Variants in TTC28 observed in about 807,000 individuals in gnomAD.
The protein encoded by TTC28 is tetratricopeptide repeat protein 28.
TTC28 carries 61 observed loss-of-function variants against 198.0 expected under a neutral mutation model. That is an observed-to-expected ratio of 0.31 (90% CI 0.25 to 0.38). TTC28 has a LOEUF of 0.38. Ranked by LOEUF, TTC28 falls within the 10% of genes least tolerant of loss-of-function variation. TTC28 has a pLI of 1.00. For synonymous variants in TTC28, 1,171 were observed against 1,297.8 expected (o/e 0.90, Z 2.10); for missense variants, 2,678 against 3,164.0 (o/e 0.85, Z 3.69).
At chr22:28,659,982 A>G (rs1007123963) in intron 1 of TTC28, among the ~76,000 whole-genome samples, 10 of 151,114 alleles carry the variant, frequency 6.6e-5, no homozygotes, top group Admixed American at 1.3e-4. Flanking sequence ...TATTTTGGAG[A>G]TGGGGTTTCA....
intron 6 of TTC28, among the ~76,000 whole-genome samples, chr22:28,117,246 GA>G (rs1942657718): frequency 6.6e-6 from 1 of 152,222 alleles, no homozygotes; most frequent in Non-Finnish European, 1.5e-5. Flanking sequence ...GGCAGGCTTA[GA>G]TTAGTGTGTT....
chr22:28,452,388 T>TAAAAA, intron 2 of TTC28, among the ~76,000 whole-genome samples: 1 of 28,866 alleles, frequency 3.5e-5, no homozygotes, highest in Non-Finnish European at 5.5e-5. Flanking sequence ...AGATTCCATC[T>TAAAAA]CAAAAAAAAA....
chr22:28,326,223 C>T (rs2045527714), intron 2 of TTC28, among the ~76,000 whole-genome samples: 1 of 152,092 alleles, frequency 6.6e-6, no homozygotes, highest in African/African-American at 2.4e-5. Flanking sequence ...TAAAAGAAGT[C>T]AGTCTACATA....
At chr22:28,444,088 T>C (rs566792218) in intron 2 of TTC28, among the ~76,000 whole-genome samples, 1 of 152,312 alleles carries the variant, frequency 6.6e-6, no homozygotes, top group Admixed American at 6.5e-5. Flanking sequence ...GTTTCATTCA[T>C]CTTCTGTGAA....
intron 1 of TTC28, among the ~76,000 whole-genome samples, chr22:28,655,500 A>T (rs2051630674): frequency 6.6e-6 from 1 of 152,206 alleles, no homozygotes; most frequent in Non-Finnish European, 1.5e-5. Flanking sequence ...TGTCTATAAA[A>T]TTCACGTTGT....
chr22:28,590,447 CAGG>C (rs1045542674), intron 2 of TTC28, among the ~76,000 whole-genome samples: 54 of 152,154 alleles, frequency 3.5e-4, no homozygotes, highest in African/African-American at 1.3e-3. Flanking sequence ...CTAAATCTTA[CAGG>C]AGGCTTCAGT....
chr22:28,152,530 A>T (rs1943634444), intron 6 of TTC28, among the ~76,000 whole-genome samples: 1 of 152,166 alleles, frequency 6.6e-6, no homozygotes, highest in East Asian at 1.9e-4. Flanking sequence ...GGTGAGTCAC[A>T]AATCTCTGAA....
chr22:28,600,151 T>G (rs1180060266), intron 2 of TTC28, among the ~76,000 whole-genome samples: 1 of 152,128 alleles, frequency 6.6e-6, no homozygotes. Context: ...CCCAGCCATT[T>G]TGGGAGTCTG....
At position 28,297,914 on chromosome 22, in the gene TTC28, C is replaced by A. The variant is rs1304922269; in HGVS notation, c.530-62G>T. 11 of 1,488,146 alleles carry A rather than the reference C, an allele frequency of 7.4e-6. No individual in the cohort carries two copies. In the South Asian group the frequency reaches 8.7e-5, roughly 12 times the overall value. The allele number at this position is 1,488,146 out of a possible 1,614,324, so 92.2% of individuals were successfully genotyped here. ...GAATGTAGGATGATACAAAAACAAT[C>A]TTTTCTAATACGCTCTAGAAATAAA... On this transcript the variant is annotated intron_variant, in intron 3 of 22. Coordinates refer to ENST00000397906, the MANE Select transcript of TTC28 (RefSeq NM_001145418.2).
At chr22:28,473,008 T>C (rs2048118439) in intron 2 of TTC28, among the ~76,000 whole-genome samples, 1 of 152,174 alleles carries the variant, frequency 6.6e-6, no homozygotes, top group Admixed American at 6.5e-5. Flanking sequence ...TGTTCCTTCC[T>C]AAGGTAAGCA....
At chr22:28,203,822 C>G (rs1237592529) in intron 5 of TTC28, among the ~76,000 whole-genome samples, 2 of 152,090 alleles carry the variant, frequency 1.3e-5, no homozygotes, top group African/African-American at 4.8e-5. Flanking sequence ...AGGAATGACA[C>G]CAGCAGAAGC....
intron 3 of TTC28, chr22:28,303,798 C>A (rs1179523352): frequency 6.7e-6 from 1 of 149,690 alleles, no homozygotes; most frequent in African/African-American, 2.5e-5. Context: ...TGATCACAAC[C>A]AGTTACAGAT....
At chr22:28,337,831 C>A (rs932309663) in intron 2 of TTC28, among the ~76,000 whole-genome samples, 1 of 152,224 alleles carries the variant, frequency 6.6e-6, no homozygotes, top group South Asian at 2.1e-4. Flanking sequence ...GAGCATTTAG[C>A]CCATTTACAT....
At chr22:28,063,603 A>C (rs748321812) in intron 12 of TTC28, among the ~76,000 whole-genome samples, 6 of 152,176 alleles carry the variant, frequency 3.9e-5, no homozygotes, top group Non-Finnish European at 8.8e-5. Flanking sequence ...TTATTTCATT[A>C]TACTGAAAGT....
intron 17 of TTC28, among the ~76,000 whole-genome samples, chr22:27,995,888 G>A (rs562757656): frequency 5.3e-5 from 8 of 152,228 alleles, no homozygotes; most frequent in South Asian, 2.1e-4. Context: ...GGCTCATCCC[G>A]GGGACGTCTG....
At chr22:28,677,156 A>AG (rs1330556575) in intron 1 of TTC28, among the ~76,000 whole-genome samples, 3 of 51,490 alleles carry the variant, frequency 5.8e-5, no homozygotes, top group South Asian at 7.9e-4. Flanking sequence ...ACTCCATCTC[A>AG]GGAAAAAAAA....
intron 2 of TTC28, among the ~76,000 whole-genome samples, chr22:28,490,952 A>G (rs1293492257): frequency 6.6e-6 from 1 of 152,216 alleles, no homozygotes; most frequent in African/African-American, 2.4e-5. Flanking sequence ...GCCTAAGTCA[A>G]TCATACAGTA....
intron 6 of TTC28, among the ~76,000 whole-genome samples, chr22:28,139,434 C>G (rs5752700): frequency 1.3e-5 from 2 of 152,042 alleles, no homozygotes; most frequent in African/African-American, 2.4e-5. Context: ...AATCATTGTT[C>G]TTATTATTTT....
chr22:28,546,266 T>A (rs2049538725), intron 2 of TTC28, among the ~76,000 whole-genome samples: 1 of 152,182 alleles, frequency 6.6e-6, no homozygotes, highest in African/African-American at 2.4e-5. Flanking sequence ...CCCAACATGG[T>A]GAGACCCCGT....
Sources: gnomAD v4.1 joint callset for allele counts (sites outside exome capture counted in the v4.1 genomes callset) on GRCh38, gnomAD v4.1.1 for gene constraint, MANE v1.5 for transcripts, NCBI Gene and HGNC (gene_info 2026-07-23, HGNC 2026-07-21) for gene names.